The following MICAL3 variants were observed in gnomAD, a reference collection of about 807,000 sequenced individuals.
The protein encoded by MICAL3 is [F-actin]-monooxygenase MICAL3.
MICAL3 carries 62 observed loss-of-function variants against 207.4 expected under a neutral mutation model. The observed-to-expected ratio is 0.30, with a 90% CI of 0.24 to 0.37. The LOEUF is 0.37. Among genes scored for constraint, MICAL3 ranks in the 10% least tolerant of loss-of-function variants. MICAL3 has a pLI of 1.00. For missense variants in MICAL3, 2,368 were observed against 2,635.6 expected, an observed-to-expected ratio of 0.90 and a Z score of 2.22; for synonymous variants, 1,077 against 1,069.3, an observed-to-expected ratio of 1.01 and a Z score of -0.14.
intron 29 of MICAL3, among the ~76,000 whole-genome samples, chr22:17,792,514 C>T (rs1394386790): frequency 2.6e-5 from 4 of 152,188 alleles, no homozygotes; most frequent in African/African-American, 9.7e-5. Flanking sequence ...GGAACACAGC[C>T]TCAGAAGGGC....
At chr22:17,883,909 T>C (rs1929640521) in intron 16 of MICAL3, among the ~76,000 whole-genome samples, 1 of 152,042 alleles carries the variant, frequency 6.6e-6, no homozygotes, top group Non-Finnish European at 1.5e-5. Flanking sequence ...TACTCAGAAT[T>C]CTCTCTCCCA....
At chr22:17,963,513 C>T (rs1272409966) in intron 1 of MICAL3, among the ~76,000 whole-genome samples, 2 of 152,068 alleles carry the variant, frequency 1.3e-5, no homozygotes, top group South Asian at 2.1e-4. Context: ...GATGGGCCTC[C>T]GTCGCCGGTT....
At chr22:17,922,174 T>A (rs182287161) in intron 1 of MICAL3, among the ~76,000 whole-genome samples, 6 of 135,436 alleles carry the variant, frequency 4.4e-5, no homozygotes, top group African/African-American at 1.4e-4. Flanking sequence ...CCTTCAACAC[T>A]CCTCACTTGC....
Position 17,904,731 on chromosome 22 carries a change from TG to T in MICAL3, c.372del (p.Asn124LysfsTer41). The stretch of plus-strand genomic sequence containing the variant: ...GTGAATGGCCAGAGATGCAAGACGT[TG>T]TTGCGGGAGAAGGCATCTCGTTTCT... ...VIEKRDAFSR[N>X]NVLHLWPFTI... is the part of the protein sequence containing the mutation. On this transcript the variant is annotated frameshift_variant, in exon 3 of 32. Transcript: ENST00000441493. LOFTEE classifies it high-confidence loss of function. 1 of 1,613,908 alleles carries T rather than the reference TG, an allele frequency of 6.2e-7. No homozygotes were observed. Among genetic ancestry groups the T allele is most frequent in the Non-Finnish European group, 8.5e-7 (1 of 1,179,812 alleles).
intron 1 of MICAL3, among the ~76,000 whole-genome samples, chr22:17,980,193 T>C (rs1284124147): frequency 1.3e-5 from 2 of 152,148 alleles, no homozygotes; most frequent in Non-Finnish European, 2.9e-5. Flanking sequence ...GCATGGGATG[T>C]AGCCCTCTCT....
chr22:17,814,690 C>CT (rs1211375168), intron 27 of MICAL3: 2 of 152,266 alleles, frequency 1.3e-5, no homozygotes, highest in African/African-American at 4.8e-5. Flanking sequence ...CCCATGTCAT[C>CT]TGTCTCCTAG....
intron 16 of MICAL3, chr22:17,879,484 G>A: frequency 8.8e-7 from 1 of 1,141,730 alleles, no homozygotes; most frequent in Non-Finnish European, 1.3e-6. Context: ...AAATTCAGGG[G>A]CAGAAATGCA....
intron 16 of MICAL3, among the ~76,000 whole-genome samples, chr22:17,881,821 G>A (rs1203711773): frequency 1.3e-5 from 2 of 152,204 alleles, no homozygotes; most frequent in East Asian, 1.9e-4. Context: ...AACAAAGGCA[G>A]GAGCATGATG....
At chr22:17,942,732 C>T (rs1019079730) in intron 1 of MICAL3, among the ~76,000 whole-genome samples, 2 of 152,206 alleles carry the variant, frequency 1.3e-5, no homozygotes, top group Non-Finnish European at 2.9e-5. Flanking sequence ...TAGAGATGCC[C>T]GTGACGCTGC....
chr22:17,917,798 T>C (rs911942242), intron 1 of MICAL3, among the ~76,000 whole-genome samples: 1 of 152,232 alleles, frequency 6.6e-6, no homozygotes, highest in African/African-American at 2.4e-5. Flanking sequence ...GAGAGAGCTC[T>C]GCTGACCACA....
chr22:17,818,549 G>T lies in MICAL3; in HGVS notation c.4112C>A (p.Ser1371Tyr), dbSNP rs1003583573. 11 of 1,613,482 alleles carry T rather than the reference G, an allele frequency of 6.8e-6. No homozygotes were observed. Among genetic ancestry groups the T allele is most frequent in the Non-Finnish European group, 7.6e-6 (9 of 1,179,876 alleles). Residue 1371 changes from serine to tyrosine, a missense_variant, in exon 26 of 32, where the codon TCC (serine) becomes TAC (tyrosine). By Grantham distance (144) the Ser-to-Tyr change is moderately radical. This residue lies in a region of MICAL3 where 1,770 missense variants were observed against 1,863.2 expected (regional missense o/e 0.95). Coordinates refer to ENST00000441493, the MANE Select transcript of MICAL3 (RefSeq NM_015241.3). The stretch of plus-strand genomic sequence containing the variant: ...AAGGTGGAGTCCCTCATCCTGGGGG[G>T]ACTTTTCAACGGAATAGGATTTGAG... ...VSLKSYSVEK[S>Y]PQDEGLHLLK...
chr22:17,909,705 C>T (rs765537661), intron 1 of MICAL3, among the ~76,000 whole-genome samples: 1 of 152,128 alleles, frequency 6.6e-6, no homozygotes, highest in Non-Finnish European at 1.5e-5. Context: ...AAAAAGGGCC[C>T]ATTATTTATC....
intron 29 of MICAL3, among the ~76,000 whole-genome samples, chr22:17,807,175 G>A (rs1316909918): frequency 6.6e-6 from 1 of 152,272 alleles, no homozygotes; most frequent in African/African-American, 2.4e-5. Flanking sequence ...AAGAAGGAAT[G>A]AAGATGAGCC....
At position 17,825,832 on chromosome 22, in the gene MICAL3, C is replaced by G. The variant is rs372932788; in HGVS notation, c.3193+1812G>C. ...TGTCCTGCCCCAAATGCCAGTAGCC[C>G]CTCGGTGAGAAACACACACTTCCAG... On this transcript the variant is annotated intron_variant, in intron 22 of 31. Transcript: ENST00000441493. Among the ~76,000 whole-genome samples the G allele has an allele frequency of 3.2e-4, 49 of 152,182 alleles. No individual in the cohort carries two copies. In the East Asian group the frequency reaches 7.4e-3, roughly 23 times the overall value.
At chr22:17,836,331 C>G (rs888519723) in intron 20 of MICAL3, among the ~76,000 whole-genome samples, 3 of 152,192 alleles carry the variant, frequency 2.0e-5, no homozygotes, top group Admixed American at 6.5e-5. Context: ...CGCACAAATG[C>G]TCTAGGTCAC....
At chr22:17,877,428 A>G (rs62240569) in intron 16 of MICAL3, among the ~76,000 whole-genome samples, 1,359 of 17,110 alleles carry the variant, frequency 0.079, 3 homozygotes, top group African/African-American at 0.091. Context: ...GGTTAGGGAG[A>G]TTATGGAGGT....
At chr22:17,882,626 T>A (rs4819471) in intron 16 of MICAL3, among the ~76,000 whole-genome samples, 36,761 of 152,158 alleles carry the variant, frequency 0.24, 5,880 homozygotes, top group African/African-American at 0.45. Flanking sequence ...TCACATGGAC[T>A]TAAGAACTGT....
chr22:17,952,376 G>A (rs751433609), intron 1 of MICAL3, among the ~76,000 whole-genome samples: 28 of 152,126 alleles, frequency 1.8e-4, no homozygotes, highest in African/African-American at 5.6e-4. Context: ...TCCAGCCCAC[G>A]GGCCTGTGTG....
chr22:17,960,535 C>A (rs1046628075), intron 1 of MICAL3, among the ~76,000 whole-genome samples: 17 of 152,254 alleles, frequency 1.1e-4, no homozygotes, highest in Admixed American at 9.2e-4. Context: ...CCCTGGAACA[C>A]CCCGCCCAGG....
Sources: gnomAD v4.1 joint callset for allele counts (sites outside exome capture counted in the v4.1 genomes callset) on GRCh38, gnomAD v4.1.1 for gene constraint, gnomAD v4.1.1 regional missense constraint, MANE v1.5 for transcripts, NCBI Gene and HGNC (gene_info 2026-07-23, HGNC 2026-07-21) for gene names.